The following SLC4A4 variants were observed in gnomAD, a reference collection of about 807,000 sequenced individuals.
The protein encoded by SLC4A4 is electrogenic sodium bicarbonate cotransporter 1.
Under a neutral mutation model 111.5 loss-of-function variants are expected in SLC4A4, and 27 were observed. The observed-to-expected ratio is 0.24, with a 90% confidence interval of 0.18 to 0.33. The LOEUF is 0.33. Among genes scored for constraint, SLC4A4 ranks in the 10% least tolerant of loss-of-function variants. SLC4A4 has a pLI of 1.00. For missense variants in SLC4A4, 909 were observed against 1,315.5 expected (o/e 0.69, Z 4.78); for synonymous variants, 443 against 463.4 (o/e 0.96, Z 0.57).
intron 3 of SLC4A4, among the ~76,000 whole-genome samples, chr4:71,278,245 G>A (rs1429030766): frequency 7.2e-5 from 11 of 151,788 alleles, no homozygotes; most frequent in Admixed American, 7.2e-4. Flanking sequence ...CGTCCTCAAA[G>A]TTTATTCATG....
intron 2 of SLC4A4, among the ~76,000 whole-genome samples, chr4:71,124,873 G>A (rs556069500): frequency 1.3e-5 from 2 of 152,274 alleles, no homozygotes; most frequent in African/African-American, 4.8e-5. Context: ...TCCACACTAC[G>A]TAAATAATTA....
intron 1 of SLC4A4, among the ~76,000 whole-genome samples, chr4:71,212,306 C>G (rs537965079): frequency 1.3e-5 from 2 of 152,096 alleles, no homozygotes; most frequent in Non-Finnish European, 2.9e-5. Flanking sequence ...TGGTTAGATT[C>G]GGGGTTAGTT....
chr4:71,275,567 G>A (rs977714267), intron 3 of SLC4A4, among the ~76,000 whole-genome samples: 2 of 152,198 alleles, frequency 1.3e-5, no homozygotes, highest in African/African-American at 4.8e-5. Flanking sequence ...CTCAGAAAAG[G>A]AGCTCTTTTT....
intron 9 of SLC4A4, among the ~76,000 whole-genome samples, chr4:71,448,187 G>C (rs1046370633): frequency 2.6e-5 from 4 of 151,914 alleles, no homozygotes; most frequent in Non-Finnish European, 1.5e-5. Context: ...AGGCATGGTG[G>C]TGCATGCCTG....
At chr4:71,552,286 G>A (rs752293626) in intron 20 of SLC4A4, among the ~76,000 whole-genome samples, 2 of 151,684 alleles carry the variant, frequency 1.3e-5, no homozygotes, top group Non-Finnish European at 2.9e-5. Flanking sequence ...TTGAAACTAG[G>A]CCTGTCTGAC....
At chr4:71,560,034 G>T in intron 22 of SLC4A4, 59 bp from the exon 23 acceptor site, 1 of 1,341,758 alleles carries the variant, frequency 7.5e-7, no homozygotes. Flanking sequence ...GAGTATCTAT[G>T]CTTGCTGTGA....
chr4:71,379,715 A>C (rs1329898295), intron 6 of SLC4A4, among the ~76,000 whole-genome samples: 1 of 152,210 alleles, frequency 6.6e-6, no homozygotes, highest in Non-Finnish European at 1.5e-5. Context: ...AAACATTCTG[A>C]ACAATAAGGT....
rs1205940289 is a variant in SLC4A4, at chr4:71,284,134, T to C, written c.253+28735T>C. Among the ~76,000 whole-genome samples the C allele has an allele frequency of 2.6e-5, 4 of 152,228 alleles. No individual in the cohort carries two copies. The East Asian group carries it at 7.7e-4, about 29-fold the overall frequency. ...TTATATTTCCCAGAATGGAAATAAA[T>C]GGCTTCTACTTGTAATTTAGACTGG... On this transcript the variant is annotated intron_variant, in intron 3 of 25. Coordinates refer to ENST00000264485, the MANE Select transcript of SLC4A4 (RefSeq NM_001098484.3).
intron 6 of SLC4A4, among the ~76,000 whole-genome samples, chr4:71,389,193 A>G (rs16846322): frequency 0.025 from 3,800 of 152,264 alleles, 157 homozygotes; most frequent in East Asian, 0.14. Context: ...TGATGCAGGT[A>G]TCTGTGATTT....
chr4:71,402,702 C>T (rs1033718854), intron 7 of SLC4A4, among the ~76,000 whole-genome samples: 2 of 152,202 alleles, frequency 1.3e-5, no homozygotes. Flanking sequence ...TTAGTCACTA[C>T]AGTTTTGGTG....
chr4:71,157,020 C>T (rs568359670), intron 2 of SLC4A4, among the ~76,000 whole-genome samples: 67 of 152,270 alleles, frequency 4.4e-4, no homozygotes, highest in African/African-American at 1.6e-3. Flanking sequence ...TCCTACCCAG[C>T]ATTTGTCTAA....
intron 12 of SLC4A4, among the ~76,000 whole-genome samples, chr4:71,455,605 C>T (rs891033266): frequency 2.0e-5 from 3 of 152,048 alleles, no homozygotes; most frequent in African/African-American, 7.2e-5. Context: ...TTTGAGAGGG[C>T]GGTAAGAACA....
At chr4:71,558,021 G>A in intron 22 of SLC4A4, 136 bp downstream of exon 22, 1 of 721,988 alleles carries the variant, frequency 1.4e-6, no homozygotes, top group Admixed American at 2.1e-5. Flanking sequence ...TTGATCAGTT[G>A]TAATTTACAT....
chr4:71,290,163 G>T (rs912365932), intron 3 of SLC4A4, among the ~76,000 whole-genome samples: 1 of 152,158 alleles, frequency 6.6e-6, no homozygotes, highest in African/African-American at 2.4e-5. Context: ...TCAGTTACTA[G>T]ACAGGATTAC....
chr4:71,260,866 C>T (rs1823772), intron 3 of SLC4A4, among the ~76,000 whole-genome samples: 104,308 of 152,084 alleles, frequency 0.69, 39,861 homozygotes, highest in Non-Finnish European at 0.87. Flanking sequence ...GTGAGCACTG[C>T]ATGTAGTCAG....
At chr4:71,174,377 G>A (rs925120069) in intron 2 of SLC4A4, among the ~76,000 whole-genome samples, 1 of 151,706 alleles carries the variant, frequency 6.6e-6, no homozygotes, top group African/African-American at 2.4e-5. Context: ...AGCCTCCCAA[G>A]TAGCTGGTAT....
chr4:71,134,087 T>C lies in SLC4A4; in HGVS notation c.-2+41295T>C, dbSNP rs571753713. On this transcript the variant is annotated intron_variant, in intron 2 of 26. Coordinates refer to the SLC4A4 transcript ENST00000649996. ...ATACATGAATCATCTTACCCCAAAGTTGATTTTACCTGAAAATAAAGATTT... is the reference window on the plus strand; with the variant it reads ...ATACATGAATCATCTTACCCCAAAGCTGATTTTACCTGAAAATAAAGATTT... Among the ~76,000 whole-genome samples the C allele has an allele frequency of 3.3e-5, 5 of 152,280 alleles. No individual in the cohort carries two copies. In the South Asian group the frequency reaches 1.0e-3, roughly 32 times the overall value.
chr4:71,414,365 A>G (rs1466024085), intron 7 of SLC4A4, among the ~76,000 whole-genome samples: 1 of 152,228 alleles, frequency 6.6e-6, no homozygotes, highest in Non-Finnish European at 1.5e-5. Flanking sequence ...TGTTGGGTTC[A>G]TAAACTATAC....
chr4:71,401,246 T>A (rs763996489), intron 7 of SLC4A4, among the ~76,000 whole-genome samples: 3 of 152,230 alleles, frequency 2.0e-5, no homozygotes, highest in Non-Finnish European at 4.4e-5. Context: ...TGGGCTGCAC[T>A]TTTTCTTTCT....
Sources: allele counts gnomAD v4.1 joint callset (sites outside exome capture counted in the v4.1 genomes callset), GRCh38; gene constraint gnomAD v4.1.1; transcripts MANE v1.5; gene names NCBI Gene and HGNC (gene_info 2026-07-23, HGNC 2026-07-21).